PDE3A: variants seen among roughly 807,000 people sequenced by gnomAD.
PDE3A encodes cGMP-inhibited 3',5'-cyclic phosphodiesterase 3A.
Under a neutral mutation model 98.3 loss-of-function variants are expected in PDE3A, and 43 were observed. The ratio of observed to expected loss-of-function variants is 0.44; its 90% CI spans 0.34 to 0.56. The LOEUF is 0.56. Ranked by LOEUF, PDE3A falls within the 20% of genes least tolerant of loss-of-function variation. PDE3A has a pLI of 0.01. For missense variants in PDE3A, 1,427 were observed against 1,440.7 expected, an observed-to-expected ratio of 0.99 and a Z score of 0.15; for synonymous variants, 663 against 567.9, an observed-to-expected ratio of 1.17 and a Z score of -2.38.
intron 8 of PDE3A, among the ~76,000 whole-genome samples, chr12:20,635,349 G>A (rs985975898): frequency 5.9e-5 from 9 of 152,070 alleles, no homozygotes; most frequent in Middle Eastern, 3.4e-3. Flanking sequence ...GGAGTATCAC[G>A]AGGTCAGCAA....
Position 20,481,764 on chromosome 12 carries a change from A to ATTTTTTTTTTTTTTTTTTTT in PDE3A, c.961-74893_961-74874dup, listed in dbSNP as rs10657239. On this transcript the variant is annotated intron_variant, in intron 1 of 15. Transcript: ENST00000359062. ...TCCATGTAAGTGACTTGGGAAATAG[A>ATTTTTTTTTTTTTTTTTTTT]TTTTTTTTTTTTTTTTTTTTTTGAG... Among the ~76,000 whole-genome samples, 8 of 79,584 alleles carry ATTTTTTTTTTTTTTTTTTTT rather than the reference A, an allele frequency of 1.0e-4. 3 individuals carry two copies. The highest frequency in any genetic ancestry group is 4.1e-4 in the African/African-American group (8 of 19,296). 52.2% of individuals were successfully genotyped at this position (79,584 alleles called of 152,430 possible). A position where few individuals can be genotyped will look rare whatever the true frequency, so the allele number is the denominator to read the frequency against.
intron 1 of PDE3A, among the ~76,000 whole-genome samples, chr12:20,488,496 A>C (rs1348147569): frequency 6.6e-6 from 1 of 152,144 alleles, no homozygotes; most frequent in Non-Finnish European, 1.5e-5. Flanking sequence ...TTAAGTGAAC[A>C]AGCTTTTAAA....
intron 1 of PDE3A, among the ~76,000 whole-genome samples, chr12:20,483,523 C>G (rs926192392): frequency 6.6e-6 from 1 of 152,152 alleles, no homozygotes; most frequent in Admixed American, 6.5e-5. Context: ...AACCCAGTAT[C>G]AAGTATGTGT....
chr12:20,677,413 A>C (rs945807946), intron 15 of PDE3A, among the ~76,000 whole-genome samples: 3 of 151,996 alleles, frequency 2.0e-5, no homozygotes, highest in African/African-American at 4.8e-5. Flanking sequence ...GTGTCTTTGC[A>C]GTGGTATCTG....
At chr12:20,606,537 C>T (rs1350966027) in intron 2 of PDE3A, among the ~76,000 whole-genome samples, 1 of 151,926 alleles carries the variant, frequency 6.6e-6, no homozygotes, top group Non-Finnish European at 1.5e-5. Flanking sequence ...ACTGCAATGT[C>T]AAAGTTTTTG....
intron 1 of PDE3A, among the ~76,000 whole-genome samples, chr12:20,385,608 C>CATA (rs964975438): frequency 6.6e-6 from 1 of 151,604 alleles, no homozygotes; most frequent in African/African-American, 2.4e-5. Context: ...ACTATGCAGC[C>CATA]ATAAAAAATG....
chr12:20,527,121 G>A (rs1031881406), intron 1 of PDE3A, among the ~76,000 whole-genome samples: 1 of 152,102 alleles, frequency 6.6e-6, no homozygotes, highest in African/African-American at 2.4e-5. Flanking sequence ...GTTTCACCAT[G>A]TTGGCCAGGC....
intron 1 of PDE3A, among the ~76,000 whole-genome samples, chr12:20,526,829 C>T (rs937240961): frequency 6.6e-6 from 1 of 150,584 alleles, no homozygotes; most frequent in African/African-American, 2.5e-5. Flanking sequence ...TTGAAGTAAA[C>T]TGTGAAGCTA....
chr12:20,643,137 C>T lies in PDE3A; in HGVS notation c.2251+3180C>T, dbSNP rs78217298. On this transcript the variant is annotated intron_variant, in intron 10 of 15. Coordinates refer to ENST00000359062, the MANE Select transcript of PDE3A (RefSeq NM_000921.5). ...TGCGTCTATATGTTATTAAAGAGGG[C>T]GAGGGGGTTGCCACATGAGTGAAGG... Among the ~76,000 whole-genome samples, 596 of 151,958 alleles carry T rather than the reference C, an allele frequency of 3.9e-3. 2 individuals carry two copies. Among genetic ancestry groups the T allele is most frequent in the African/African-American group, 0.012 (494 of 41,458 alleles).
At position 20,452,154 on chromosome 12, in the gene PDE3A, C is replaced by T. The variant is rs115789749; in HGVS notation, c.960+81910C>T. Reference sequence around the variant, plus strand: ...TTAGTGCTCCTGAATTGTGTCATTCCTCTGCATGCATCAGACTAGTTCTCA... The same window carrying T: ...TTAGTGCTCCTGAATTGTGTCATTCTTCTGCATGCATCAGACTAGTTCTCA... On this transcript the variant is annotated intron_variant, in intron 1 of 15. Coordinates refer to ENST00000359062, the MANE Select transcript of PDE3A (RefSeq NM_000921.5). Among the ~76,000 whole-genome samples the T allele has an allele frequency of 3.3e-3, 509 of 152,310 alleles. 4 individuals are homozygous for T. The highest frequency in any genetic ancestry group is 0.012 in the African/African-American group (485 of 41,568).
chr12:20,624,463 C>A (rs890908971), intron 5 of PDE3A, among the ~76,000 whole-genome samples: 2 of 152,046 alleles, frequency 1.3e-5, no homozygotes, highest in Non-Finnish European at 2.9e-5. Flanking sequence ...AGCAAAGGAG[C>A]AAAATGTAAA....
chr12:20,474,434 G>T (rs747179737), intron 1 of PDE3A, among the ~76,000 whole-genome samples: 1 of 152,104 alleles, frequency 6.6e-6, no homozygotes, highest in Non-Finnish European at 1.5e-5. Flanking sequence ...CAATTTTAAT[G>T]TATGTGGATT....
intron 2 of PDE3A, among the ~76,000 whole-genome samples, chr12:20,581,717 A>G (rs2121345148): frequency 6.9e-6 from 1 of 145,660 alleles, no homozygotes; most frequent in East Asian, 2.0e-4. Flanking sequence ...GGTTCACGCC[A>G]TTCTCCTGCC....
chr12:20,381,373 T>TA (rs1943660402), intron 1 of PDE3A, among the ~76,000 whole-genome samples: 1 of 151,892 alleles, frequency 6.6e-6, no homozygotes, highest in Non-Finnish European at 1.5e-5. Flanking sequence ...CAAAGAAGAC[T>TA]AGATCAAAAT....
intron 2 of PDE3A, among the ~76,000 whole-genome samples, chr12:20,570,349 A>C (rs539057032): frequency 1.6e-4 from 22 of 140,036 alleles, no homozygotes; most frequent in South Asian, 4.9e-4. Context: ...TGGAGGTTGC[A>C]ATGAACCAAG....
At chr12:20,576,103 A>T (rs781036376) in intron 2 of PDE3A, among the ~76,000 whole-genome samples, 1 of 152,040 alleles carries the variant, frequency 6.6e-6, no homozygotes, top group Non-Finnish European at 1.5e-5. Context: ...ATGGAAAATG[A>T]GGTATCCATC....
chr12:20,413,401 T>G (rs1175504099), intron 1 of PDE3A, among the ~76,000 whole-genome samples: 1 of 152,142 alleles, frequency 6.6e-6, no homozygotes, highest in African/African-American at 2.4e-5. Flanking sequence ...GGATCTTTGT[T>G]TCTGTCTCTA....
At chr12:20,667,461 A>C (rs1233113619) in intron 15 of PDE3A, among the ~76,000 whole-genome samples, 1 of 152,178 alleles carries the variant, frequency 6.6e-6, no homozygotes, top group Non-Finnish European at 1.5e-5. Flanking sequence ...TATAGTGAGA[A>C]ATGGAGTCTA....
chr12:20,621,266 C>T, intron 4 of PDE3A, 30 bp from the exon 5 acceptor site: 1 of 1,233,632 alleles, frequency 8.1e-7, no homozygotes, highest in Non-Finnish European at 1.2e-6. Flanking sequence ...GTTTAATTTT[C>T]TTTTAATTCT....
Sources: allele counts gnomAD v4.1 joint callset (sites outside exome capture counted in the v4.1 genomes callset), GRCh38; gene constraint gnomAD v4.1.1; transcripts MANE v1.5; gene names NCBI Gene and HGNC (gene_info 2026-07-23, HGNC 2026-07-21).